The following NR2F2 variants were observed in gnomAD, a reference collection of about 807,000 sequenced individuals.
The protein encoded by NR2F2 is COUP transcription factor 2.
Under a neutral mutation model 34.8 loss-of-function variants are expected in NR2F2, and 2 were observed. The ratio of observed to expected loss-of-function variants is 0.06; its 90% CI spans 0.02 to 0.18. The LOEUF (loss-of-function observed/expected upper bound fraction) is 0.18. Ranked by LOEUF, NR2F2 falls within the 10% of genes least tolerant of loss-of-function variation. The pLI, the probability that NR2F2 is intolerant of heterozygous loss-of-function variation, is 1.00. For synonymous variants in NR2F2, 274 were observed against 251.8 expected, an observed-to-expected ratio of 1.09 and a Z score of -0.84; for missense variants, 300 against 580.1, an observed-to-expected ratio of 0.52 and a Z score of 4.96.
Position 96,332,094 on chromosome 15 carries a change from G to A in NR2F2, c.-12G>A. 4 of 1,305,578 alleles carry A rather than the reference G, an allele frequency of 3.1e-6. No individual in the cohort carries two copies. Among genetic ancestry groups the A allele is most frequent in the Non-Finnish European group, 3.9e-6 (4 of 1,026,132 alleles). The allele number at this position is 1,305,578 out of a possible 1,614,324, so 80.9% of individuals were successfully genotyped here. ...CAGGGGAGCAGGAAGTCCGGACGCA[G>A]CCCCCATAGATATGGCAATGGTAGT... On this transcript the variant is annotated 5_prime_UTR_variant, in exon 1 of 3. Coordinates refer to ENST00000394166, the MANE Select transcript of NR2F2 (RefSeq NM_021005.4).
Position 96,331,243 on chromosome 15 carries a change from G to T in NR2F2, c.-863G>T, listed in dbSNP as rs908812803. Reference sequence around the variant, plus strand: ...CCACCCAGCGACTGCGGGCGGCGGCGGCCGGAGAGAGCGAGGCGCGCGCCG... The same window carrying T: ...CCACCCAGCGACTGCGGGCGGCGGCTGCCGGAGAGAGCGAGGCGCGCGCCG... On this transcript the variant is annotated 5_prime_UTR_variant, in exon 1 of 3. Coordinates refer to ENST00000394166, the MANE Select transcript of NR2F2 (RefSeq NM_021005.4). 1 of 986,256 alleles carries T rather than the reference G, an allele frequency of 1.0e-6. No individual in the cohort carries two copies. Among genetic ancestry groups the T allele is most frequent in the South Asian group, 4.5e-5 (1 of 22,108 alleles). The allele number at this position is 986,256 out of a possible 1,614,324, so 61.1% of individuals were successfully genotyped here.
At chr15:96,326,957 A>C (rs920810007), upstream of NR2F2, 2 of 152,774 alleles carry the variant, frequency 1.3e-5, no homozygotes, top group African/African-American at 4.8e-5. The surrounding 1 kb of genome is among the most constrained non-coding windows in gnomAD (Gnocchi z 5.5). Flanking sequence ...GGTACTCACC[A>C]TCGGGCGGGG....
intron 1 of NR2F2, 24 bp downstream of exon 1, chr15:96,332,571 C>T (rs1160633387): frequency 6.2e-7 from 1 of 1,600,388 alleles, no homozygotes; most frequent in Admixed American, 1.7e-5. Flanking sequence ...ATTTCTCCTT[C>T]CCTCGTCCTG....
chr15:96,327,108 G>A (rs563006129), upstream of NR2F2: 13 of 151,590 alleles, frequency 8.6e-5, no homozygotes, highest in African/African-American at 2.9e-4. Context: ...AAAAGCCAGC[G>A]AGAGAGACGA....
intron 2 of NR2F2, among the ~76,000 whole-genome samples, chr15:96,336,390 T>C (rs767367325): frequency 1.2e-4 from 18 of 152,168 alleles, no homozygotes; most frequent in African/African-American, 4.3e-4. Flanking sequence ...GTCCTAGATA[T>C]ACATATGAGG....
At chr15:96,326,351 T>C (rs1309961433), upstream of NR2F2, 1 of 1,612,854 alleles carries the variant, frequency 6.2e-7, no homozygotes, top group Non-Finnish European at 8.5e-7. The surrounding 1 kb of genome is among the most constrained non-coding windows in gnomAD (Gnocchi z 5.5). Context: ...AATATGGTTT[T>C]GGTATGTTTA....
In NR2F2 at chr15:96,331,995, C is replaced by G. The variant is rs1899159928; in HGVS notation, c.-111C>G. On this transcript the variant is annotated 5_prime_UTR_variant, in exon 1 of 3. Coordinates refer to ENST00000394166, the MANE Select transcript of NR2F2 (RefSeq NM_021005.4). The stretch of plus-strand genomic sequence containing the variant: ...GCGCCCTCCCGCGCCCTCTTGCACC[C>G]TCGCACACACAAAAGGCGGCGCGCC... 2.5e-6 allele frequency: 3 copies of G among 1,219,782 alleles called. No individual in the cohort carries two copies. Among genetic ancestry groups the G allele is most frequent in the Non-Finnish European group, 3.1e-6 (3 of 979,998 alleles). 75.6% of individuals were successfully genotyped at this position (1,219,782 alleles called of 1,614,324 possible).
chr15:96,331,611 T>A lies in NR2F2; in HGVS notation c.-495T>A, dbSNP rs1363180884. On this transcript the variant is annotated 5_prime_UTR_variant, in exon 1 of 3. Coordinates refer to ENST00000394166, the MANE Select transcript of NR2F2 (RefSeq NM_021005.4). ...CTCCTCCTCCTCCTCCGCCAACTCCTCGGCTGCACACCAGCTCTAAGAGCG... is the reference window on the plus strand; with the variant it reads ...CTCCTCCTCCTCCTCCGCCAACTCCACGGCTGCACACCAGCTCTAAGAGCG... 12 of 1,199,108 alleles carry A rather than the reference T, an allele frequency of 1.0e-5. No individual in the cohort carries two copies. Among genetic ancestry groups the A allele is most frequent in the Non-Finnish European group, 1.0e-5 (10 of 961,786 alleles). The allele number at this position is 1,199,108 out of a possible 1,614,324, so 74.3% of individuals were successfully genotyped here.
At position 96,331,434 on chromosome 15, in the gene NR2F2, C is replaced by T; in HGVS notation, c.-672C>T. ...GGCCTGCCTGGCTCCCTGGGCGCGC[C>T]CGCACCCGGCGCCTCCGATCTCCTA... is the stretch of plus-strand genomic sequence containing the variant. On this transcript the variant is annotated 5_prime_UTR_variant, in exon 1 of 3. Coordinates refer to ENST00000394166, the MANE Select transcript of NR2F2 (RefSeq NM_021005.4). 8.1e-7 allele frequency: 1 copy of T among 1,231,438 alleles called. No homozygotes were observed. The highest frequency in any genetic ancestry group is 1.0e-6 in the Non-Finnish European group (1 of 988,094). 76.3% of individuals were successfully genotyped at this position (1,231,438 alleles called of 1,614,324 possible). A position where few individuals can be genotyped will look rare whatever the true frequency, so the allele number is the denominator to read the frequency against.
At position 96,332,602 on chromosome 15, in the gene NR2F2, G is replaced by C. The variant is rs150966894; in HGVS notation, c.442+55G>C. The C allele has an allele frequency of 1.3e-4, 210 of 1,584,012 alleles. No individual in the cohort carries two copies. In the African/African-American group the frequency reaches 2.7e-3, roughly 20 times the overall value. Reference sequence around the variant, plus strand: ...TCCTGGGTCCCGGGGTCCTGGGTACGTTTGGCTAGCCTGCTCTGGGTAAGG... The same window carrying C: ...TCCTGGGTCCCGGGGTCCTGGGTACCTTTGGCTAGCCTGCTCTGGGTAAGG... On this transcript the variant is annotated intron_variant, in intron 1 of 2. Transcript: ENST00000394166.
upstream of NR2F2, chr15:96,326,081 A>C: frequency 5.0e-6 from 3 of 595,438 alleles, no homozygotes; most frequent in Non-Finnish European, 9.0e-6. The surrounding 1 kb of genome is among the most constrained non-coding windows in gnomAD (Gnocchi z 5.5). Context: ...AGGCTGAGAG[A>C]GCCTAATACA....
At chr15:96,328,376 G>C (rs2141162932), upstream of NR2F2, among the ~76,000 whole-genome samples, 1 of 152,246 alleles carries the variant, frequency 6.6e-6, no homozygotes, top group East Asian at 1.9e-4. Flanking sequence ...GTTTGTAAAA[G>C]GTAATCTGCT....
chr15:96,334,452 C>G lies in NR2F2; in HGVS notation c.819C>G (p.Ala273=), dbSNP rs530322110. ...PLHVAPLLAA[A]GLHASPMSAD... ...ACGTCGCCCCGCTCCTGGCCGCCGC[C>G]GGCCTGCATGCTTCGCCCATGTCCG... Residue 273 remains alanine (A), a synonymous_variant, in exon 2 of 3, where the codon GCC becomes GCG. Transcript: ENST00000394166. 1.2e-6 allele frequency: 2 copies of G among 1,613,976 alleles called. No individual in the cohort carries two copies. The highest frequency in any genetic ancestry group is 8.5e-7 in the Non-Finnish European group (1 of 1,179,986).
Position 96,338,621 on chromosome 15 carries a change from G to A in NR2F2, c.*999G>A, listed in dbSNP as rs188035623. ...AAAAATAACACTGTTGGCACTTATAGGTAACGTGATTGATTCAGTATCTTA... is the reference window on the plus strand; with the variant it reads ...AAAAATAACACTGTTGGCACTTATAAGTAACGTGATTGATTCAGTATCTTA... On this transcript the variant is annotated 3_prime_UTR_variant, in exon 3 of 3. Transcript: ENST00000394166. 4 of 152,254 alleles carry A rather than the reference G, an allele frequency of 2.6e-5. No individual in the cohort carries two copies. The highest frequency in any genetic ancestry group is 2.6e-4 in the Admixed American group (4 of 15,244). 9.4% of individuals were successfully genotyped at this position (152,254 alleles called of 1,614,324 possible). A position where few individuals can be genotyped will look rare whatever the true frequency, so the allele number is the denominator to read the frequency against.
rs1899163857 is a variant in NR2F2, at chr15:96,332,093, AG to A, written c.-12del. 6.2e-6 allele frequency: 8 copies of A among 1,300,426 alleles called. No homozygotes were observed. In the East Asian group the frequency reaches 2.6e-4, roughly 42 times the overall value. The allele number at this position is 1,300,426 out of a possible 1,614,324, so 80.6% of individuals were successfully genotyped here. On this transcript the variant is annotated 5_prime_UTR_variant, in exon 1 of 3. Coordinates refer to ENST00000394166, the MANE Select transcript of NR2F2 (RefSeq NM_021005.4). ...CCAGGGGAGCAGGAAGTCCGGACGCAGCCCCCATAGATATGGCAATGGTAGT... is the reference window on the plus strand; with the variant it reads ...CCAGGGGAGCAGGAAGTCCGGACGCACCCCCATAGATATGGCAATGGTAGT...
Position 96,334,180 on chromosome 15 carries a change from T to C in NR2F2, c.547T>C (p.Ser183Pro). ...CCACTCGTACCTGTCCGGATATATT[T>C]CCCTGCTGTTGCGCGCGGAGCCCTA... The part of the protein sequence containing the change: ...NCHSYLSGYI[S>P]LLLRAEPYPT... Residue 183 changes from serine to proline, a missense_variant, in exon 2 of 3, where the codon TCC becomes CCC. Around this residue, in one of 6 missense-constraint regions of NR2F2, gnomAD observed 164 missense variants for 365.3 expected, o/e 0.45. Transcript: ENST00000394166. 1 of 1,614,198 alleles carries C rather than the reference T, an allele frequency of 6.2e-7. No homozygotes were observed. Among genetic ancestry groups the C allele is most frequent in the Non-Finnish European group, 8.5e-7 (1 of 1,180,040 alleles).
chr15:96,331,137 C>T lies in NR2F2; in HGVS notation c.-969C>T, dbSNP rs1398073431. The T allele has an allele frequency of 6.3e-6, 7 of 1,104,630 alleles. No homozygotes were observed. Among genetic ancestry groups the T allele is most frequent in the Non-Finnish European group, 5.5e-6 (5 of 901,486 alleles). 68.4% of individuals were successfully genotyped at this position (1,104,630 alleles called of 1,614,324 possible). On this transcript the variant is annotated 5_prime_UTR_variant, in exon 1 of 3. Coordinates refer to ENST00000394166, the MANE Select transcript of NR2F2 (RefSeq NM_021005.4). Reference sequence around the variant, plus strand: ...GGCGGCGGCGCTAGACGCAGCGGCTCCGGGCCCGACCCGGCGGCTTCGGCG... The same window carrying T: ...GGCGGCGGCGCTAGACGCAGCGGCTTCGGGCCCGACCCGGCGGCTTCGGCG...
chr15:96,331,067 A>AGCG lies in NR2F2; in HGVS notation c.-1036_-1034dup, dbSNP rs1443836888. On this transcript the variant is annotated 5_prime_UTR_variant, in exon 1 of 3. Transcript: ENST00000394166. Reference sequence around the variant, plus strand: ...AGGCGGCGGCGGCAGCAGCAGCAGCAGCGGCTCCGGCGGCGGCAGCAGCGG... The same window carrying AGCG: ...AGGCGGCGGCGGCAGCAGCAGCAGCAGCGGCGGCTCCGGCGGCGGCAGCAGCGG... The AGCG allele has an allele frequency of 5.7e-6, 7 of 1,233,876 alleles. No individual in the cohort carries two copies. The East Asian group carries it at 9.5e-5, about 17-fold the overall frequency. The allele number at this position is 1,233,876 out of a possible 1,614,324, so 76.4% of individuals were successfully genotyped here.
At position 96,331,380 on chromosome 15, in the gene NR2F2, C is replaced by A; in HGVS notation, c.-726C>A. ...CCCCCGGACCCGGGCAGCGCTCCGG[C>A]CACTCCGCGGGCCGCCGGCCTCCGC... On this transcript the variant is annotated 5_prime_UTR_variant, in exon 1 of 3. Transcript: ENST00000394166. 1 of 1,224,500 alleles carries A rather than the reference C, an allele frequency of 8.2e-7. No individual in the cohort carries two copies. The highest frequency in any genetic ancestry group is 1.0e-6 in the Non-Finnish European group (1 of 983,460). 75.9% of individuals were successfully genotyped at this position (1,224,500 alleles called of 1,614,324 possible).
Sources: allele counts gnomAD v4.1 joint callset (sites outside exome capture counted in the v4.1 genomes callset), GRCh38; gene constraint gnomAD v4.1.1; regional missense constraint gnomAD v4.1.1; non-coding constraint Gnocchi (gnomAD v3.1); transcripts MANE v1.5; gene names NCBI Gene and HGNC (gene_info 2026-07-23, HGNC 2026-07-21).